The following ARID3B variants were observed in gnomAD, a reference collection of about 807,000 sequenced individuals.
ARID3B encodes AT-rich interaction domain 3B.
In ARID3B, 10 loss-of-function variants were observed where a neutral mutation model predicts 51.9. The observed-to-expected ratio is 0.19, with a 90% CI of 0.12 to 0.33. The LOEUF (loss-of-function observed/expected upper bound fraction) is 0.33. Ranked by LOEUF, ARID3B falls within the 10% of genes least tolerant of loss-of-function variation. ARID3B has a pLI of 1.00. For missense variants in ARID3B, 483 were observed against 716.3 expected (o/e 0.67, Z 3.72); for synonymous variants, 205 against 279.5 (o/e 0.73, Z 2.66).
At chr15:74,562,720 G>A (rs1190991006) in intron 2 of ARID3B, among the ~76,000 whole-genome samples, 3 of 152,164 alleles carry the variant, frequency 2.0e-5, no homozygotes, top group Non-Finnish European at 2.9e-5. Flanking sequence ...TATTGTGATA[G>A]GCATTTTAAG....
Position 74,591,164 on chromosome 15 carries a change from C to A in ARID3B, c.895C>A (p.Leu299Met). 6.2e-7 allele frequency: 1 copy of A among 1,603,312 alleles called. No homozygotes were observed. The highest frequency in any genetic ancestry group is 8.5e-7 in the Non-Finnish European group (1 of 1,171,582). ...CCTTTCCTCCAGGTACATGAAGTAT[C>A]TGTATGCCTATGAGTGTGAGAAGAA... Reference protein sequence around the residue: ...FTLRTQYMKYLYAYECEKKAL... With the variant: ...FTLRTQYMKYMYAYECEKKAL... Residue 299 changes from leucine (L) to methionine (M), a missense_variant, in exon 6 of 9, where the codon CTG (leucine) becomes ATG (methionine). Around this residue, in one of 3 missense-constraint regions of ARID3B, gnomAD observed 265 missense variants for 354.4 expected, o/e 0.75. Transcript: ENST00000346246. This position sits in a 1 kb window ranked among gnomAD's most constrained non-coding sequence, Gnocchi z 5.8.
chr15:74,571,247 G>A (rs1167758852), intron 2 of ARID3B, among the ~76,000 whole-genome samples: 1 of 152,190 alleles, frequency 6.6e-6, no homozygotes, highest in African/African-American at 2.4e-5. Context: ...TATTAAAGGG[G>A]CAGGTGGAAG....
At chr15:74,583,258 T>C (rs1596262501) in intron 4 of ARID3B, among the ~76,000 whole-genome samples, 1 of 152,058 alleles carries the variant, frequency 6.6e-6, no homozygotes, top group Admixed American at 6.6e-5. Flanking sequence ...AGACCTGATA[T>C]TGAGCAAAAG....
At chr15:74,554,962 C>T (rs1457336285) in intron 2 of ARID3B, among the ~76,000 whole-genome samples, 2 of 151,990 alleles carry the variant, frequency 1.3e-5, no homozygotes, top group African/African-American at 4.8e-5. Flanking sequence ...CAACAATGTA[C>T]ATACCTTAAC....
intron 7 of ARID3B, among the ~76,000 whole-genome samples, chr15:74,592,546 G>A (rs922776146): frequency 1.3e-5 from 2 of 152,216 alleles, no homozygotes; most frequent in Non-Finnish European, 2.9e-5. Context: ...CCAGGGCCAG[G>A]TACCCTGCTC....
chr15:74,549,801 T>C (rs570666732), intron 2 of ARID3B, among the ~76,000 whole-genome samples: 6 of 152,312 alleles, frequency 3.9e-5, no homozygotes, highest in African/African-American at 1.4e-4. Context: ...CATTTGGCAG[T>C]GTCAGGAGAC....
chr15:74,546,344 G>T (rs767566848), intron 2 of ARID3B, among the ~76,000 whole-genome samples: 2 of 152,218 alleles, frequency 1.3e-5, no homozygotes, highest in Non-Finnish European at 2.9e-5. Flanking sequence ...GAAAGTTCAG[G>T]CCCGAGGCGG....
intron 2 of ARID3B, among the ~76,000 whole-genome samples, chr15:74,570,124 G>A (rs2061713686): frequency 6.6e-6 from 1 of 151,960 alleles, no homozygotes; most frequent in Non-Finnish European, 1.5e-5. Flanking sequence ...AAGCTAAGTG[G>A]GTCACACTTA....
intron 2 of ARID3B, among the ~76,000 whole-genome samples, chr15:74,550,706 CAA>C (rs990554943): frequency 7.5e-6 from 1 of 132,702 alleles, no homozygotes. Context: ...GTGTCCATCT[CAA>C]AAAAAAAAAA....
intron 4 of ARID3B, among the ~76,000 whole-genome samples, chr15:74,585,805 GCA>G (rs1328659604): frequency 6.6e-6 from 1 of 152,234 alleles, no homozygotes; most frequent in Admixed American, 6.5e-5. Context: ...GGTCCATTAA[GCA>G]CAAAGCAAAC....
intron 4 of ARID3B, among the ~76,000 whole-genome samples, chr15:74,578,983 C>A (rs1285014261): frequency 6.6e-6 from 1 of 152,112 alleles, no homozygotes; most frequent in Non-Finnish European, 1.5e-5. Flanking sequence ...TTTGAAAGGC[C>A]CGGAGACACC....
chr15:74,572,811 A>G, intron 2 of ARID3B, 51 bp from the exon 3 acceptor site: 1 of 1,574,860 alleles, frequency 6.3e-7, no homozygotes, highest in Admixed American at 1.7e-5. Context: ...CTCTGTCCTA[A>G]CTCTTTCTCT....
At chr15:74,593,103 C>T (rs1188079746) in intron 7 of ARID3B, 35 bp from the exon 8 acceptor site, 1 of 1,600,018 alleles carries the variant, frequency 6.2e-7, no homozygotes, top group Non-Finnish European at 8.5e-7. Flanking sequence ...CTGTGGAAGG[C>T]TTGACCAGGC....
At chr15:74,564,829 G>A (rs560742177) in intron 2 of ARID3B, among the ~76,000 whole-genome samples, 2 of 151,972 alleles carry the variant, frequency 1.3e-5, no homozygotes, top group Non-Finnish European at 2.9e-5. Flanking sequence ...TCAAACTCCT[G>A]GGCTCAAGTG....
chr15:74,570,899 A>G (rs1406122256), intron 2 of ARID3B, among the ~76,000 whole-genome samples: 2 of 152,142 alleles, frequency 1.3e-5, no homozygotes, highest in East Asian at 1.9e-4. Context: ...TTTTTAAACA[A>G]TGTTCCTCCC....
intron 2 of ARID3B, among the ~76,000 whole-genome samples, chr15:74,569,116 T>TA (rs2061710179): frequency 6.6e-6 from 1 of 152,184 alleles, no homozygotes; most frequent in Non-Finnish European, 1.5e-5. Context: ...GTCACACCCA[T>TA]ACTCTATTGA....
intron 2 of ARID3B, among the ~76,000 whole-genome samples, chr15:74,549,877 A>C (rs924112359): frequency 6.6e-6 from 1 of 152,216 alleles, no homozygotes; most frequent in South Asian, 2.1e-4. Context: ...TAGACCAGGG[A>C]TGCTGCTAAA....
In ARID3B at chr15:74,589,909, G is replaced by T; in HGVS notation, c.787G>T (p.Val263Leu). 1.2e-6 allele frequency: 2 copies of T among 1,614,120 alleles called. No individual in the cohort carries two copies. Among genetic ancestry groups the T allele is most frequent in the South Asian group, 2.2e-5 (2 of 91,070 alleles). Residue 263 changes from valine to leucine, a missense_variant, in exon 5 of 9, where the codon GTG becomes TTG. Around this residue, in one of 3 missense-constraint regions of ARID3B, gnomAD observed 36 missense variants for 117.5 expected, o/e 0.31. Coordinates refer to ENST00000346246, the MANE Select transcript of ARID3B (RefSeq NM_006465.4). Reference sequence around the variant, plus strand: ...GCTGGTGACCGAGAAGGGAGGCCTGGTGGAGATCATCAACAAGAAGATCTG... The same window carrying T: ...GCTGGTGACCGAGAAGGGAGGCCTGTTGGAGATCATCAACAAGAAGATCTG... The part of the protein sequence containing the change: ...YKLVTEKGGL[V>L]EIINKKIWRE...
chr15:74,543,092 A>G (rs995078266), intron 1 of ARID3B, among the ~76,000 whole-genome samples: 7 of 152,266 alleles, frequency 4.6e-5, no homozygotes, highest in African/African-American at 1.7e-4. Context: ...TCTGTTTCAA[A>G]TTAATTAACT....
Sources: allele counts gnomAD v4.1 joint callset (sites outside exome capture counted in the v4.1 genomes callset), GRCh38; gene constraint gnomAD v4.1.1; regional missense constraint gnomAD v4.1.1; non-coding constraint Gnocchi (gnomAD v3.1); transcripts MANE v1.5; gene names NCBI Gene and HGNC (gene_info 2026-07-23, HGNC 2026-07-21).